Variants in EXPH5 observed in about 807,000 individuals in gnomAD.
EXPH5 encodes exophilin-5.
Under a neutral mutation model 41.1 loss-of-function variants are expected in EXPH5, and 42 were observed. The ratio of observed to expected loss-of-function variants is 1.02; its 90% CI spans 0.80 to 1.32. The LOEUF (loss-of-function observed/expected upper bound fraction) is 1.32, where lower values mean the gene tolerates loss of function less well. EXPH5 is among the 40% of genes most tolerant of loss of function. EXPH5 has a pLI of 0.00. For synonymous variants in EXPH5, 798 were observed against 833.5 expected (o/e 0.96, Z 0.73); for missense variants, 2,298 against 2,314.5 (o/e 0.99, Z 0.15).
chr11:108,507,240 G>A lies in EXPH5; in HGVS notation c.*2297C>T, dbSNP rs2093649199. 1 of 152,170 alleles carries A rather than the reference G, an allele frequency of 6.6e-6. No individual in the cohort carries two copies. Among genetic ancestry groups the A allele is most frequent in the African/African-American group, 2.4e-5 (1 of 41,444 alleles). The allele number at this position is 152,170 out of a possible 1,614,324, so 9.4% of individuals were successfully genotyped here. A position where few individuals can be genotyped will look rare whatever the true frequency, so the allele number is the denominator to read the frequency against. ...GTTACCGCATGTTCATTAGCTTTGAGTTGCATGGGAACCATGTAAAGTAAC... is the reference window on the plus strand; with the variant it reads ...GTTACCGCATGTTCATTAGCTTTGAATTGCATGGGAACCATGTAAAGTAAC... On this transcript the variant is annotated 3_prime_UTR_variant, in exon 6 of 6. Transcript: ENST00000265843.
chr11:108,522,204 T>TA (rs548747766), intron 4 of EXPH5, among the ~76,000 whole-genome samples: 10 of 150,600 alleles, frequency 6.6e-5, no homozygotes, highest in South Asian at 2.1e-4. Context: ...TTTTTTTTTT[T>TA]AAAAAAGGAA....
At chr11:108,548,214 TA>T (rs2093947681) in intron 1 of EXPH5, among the ~76,000 whole-genome samples, 1 of 139,462 alleles carries the variant, frequency 7.2e-6, no homozygotes, top group Admixed American at 7.8e-5. Flanking sequence ...GTGTTTTAAA[TA>T]AGAAAGTTTT....
chr11:108,507,177 AAAATAGTT>A lies in EXPH5; in HGVS notation c.*2352_*2359del, dbSNP rs2093648793. ...CAGGATTGGTCAGAGCTTGAAGTTT[AAAATAGTT>A]GACAGATTTAGGGAATAGCTTTCAT... On this transcript the variant is annotated 3_prime_UTR_variant, in exon 6 of 6. Transcript: ENST00000265843. 2 of 152,204 alleles carry A rather than the reference AAAATAGTT, an allele frequency of 1.3e-5. No homozygotes were observed. Among genetic ancestry groups the A allele is most frequent in the Non-Finnish European group, 2.9e-5 (2 of 68,034 alleles). 9.4% of individuals were successfully genotyped at this position (152,204 alleles called of 1,614,324 possible). A position where few individuals can be genotyped will look rare whatever the true frequency, so the allele number is the denominator to read the frequency against.
upstream of EXPH5, among the ~76,000 whole-genome samples, chr11:108,594,828 C>A (rs746649580): frequency 6.6e-6 from 1 of 152,090 alleles, no homozygotes; most frequent in Admixed American, 6.6e-5. Context: ...CAAAAATTGC[C>A]ACTTGTGTTT....
intron 3 of EXPH5, among the ~76,000 whole-genome samples, chr11:108,528,979 A>G (rs2093818853): frequency 6.6e-6 from 1 of 151,812 alleles, no homozygotes; most frequent in African/African-American, 2.4e-5. Context: ...CTGGGATTAC[A>G]GGTGTGAGCC....
At chr11:108,516,963 A>G (rs1048167626) in intron 5 of EXPH5, among the ~76,000 whole-genome samples, 12 of 152,144 alleles carry the variant, frequency 7.9e-5, no homozygotes, top group Non-Finnish European at 1.8e-4. Flanking sequence ...TATAATGAAA[A>G]TCTCTTTGAT....
chr11:108,563,606 G>T (rs78708232), intron 1 of EXPH5, among the ~76,000 whole-genome samples: 5,555 of 152,250 alleles, frequency 0.036, 302 homozygotes, highest in African/African-American at 0.12. Context: ...TTAAACATCT[G>T]CCCTACCCAG....
At chr11:108,583,598 G>C (rs1387488366) in intron 1 of EXPH5, among the ~76,000 whole-genome samples, 1 of 151,166 alleles carries the variant, frequency 6.6e-6, no homozygotes, top group Non-Finnish European at 1.5e-5. Context: ...GAGGCGGGTG[G>C]ATCACTTGAG....
At chr11:108,529,766 C>A (rs572477574) in intron 3 of EXPH5, among the ~76,000 whole-genome samples, 1 of 151,766 alleles carries the variant, frequency 6.6e-6, no homozygotes, top group Non-Finnish European at 1.5e-5. Flanking sequence ...ATTGCTTGAA[C>A]CTGGGAGGCA....
chr11:108,574,077 G>GTT (rs71303231), intron 1 of EXPH5, among the ~76,000 whole-genome samples: 35 of 142,334 alleles, frequency 2.5e-4, no homozygotes, highest in African/African-American at 7.3e-4. Flanking sequence ...AATTTTGTGT[G>GTT]TTTTTTTTTT....
In EXPH5 at chr11:108,509,827, G is replaced by T. The variant is rs1346743079; in HGVS notation, c.5680C>A (p.Gln1894Lys). The T allele has an allele frequency of 1.2e-6, 2 of 1,613,590 alleles. No individual in the cohort carries two copies. Among genetic ancestry groups the T allele is most frequent in the Non-Finnish European group, 8.5e-7 (1 of 1,179,870 alleles). The change falls in exon 6 of 6, where the codon CAG becomes AAG. Residue 1894 changes from glutamine (Q) to lysine (K), a missense_variant. By Grantham distance (53) the Gln-to-Lys change is moderately conservative. Coordinates refer to ENST00000265843, the MANE Select transcript of EXPH5 (RefSeq NM_015065.3). ...IDYGIFGKEQ[Q>K]LAFLENVKRS... ...TTTACATTTTCTAAGAAAGCTAACT[G>T]TTGTTCTTTCCCAAAGATCCCATAG...
chr11:108,566,059 T>C (rs1272774145), intron 1 of EXPH5, among the ~76,000 whole-genome samples: 1 of 152,112 alleles, frequency 6.6e-6, no homozygotes, highest in Non-Finnish European at 1.5e-5. Flanking sequence ...GATCTATTGG[T>C]GGAAAAAGAT....
chr11:108,510,054 C>T lies in EXPH5; in HGVS notation c.5453G>A (p.Arg1818His), dbSNP rs201149792. 1.3e-4 allele frequency: 215 copies of T among 1,610,726 alleles called. 1 individual carries two copies. In the Admixed American group the frequency reaches 3.0e-3, roughly 22 times the overall value. The change falls in exon 6 of 6, where the codon CGC (arginine) becomes CAC (histidine). Residue 1818 changes from arginine (R) to histidine (H), a missense_variant. Transcript: ENST00000265843. ...RKSHPPKVRE[R>H]HFSESTSIDN... is the part of the protein sequence containing the mutation. Reference sequence around the variant, plus strand: ...AATAGAAGTGCTTTCAGAAAAATGGCGCTCCCTGACTTTTGGAGGATGGCT... The same window carrying T: ...AATAGAAGTGCTTTCAGAAAAATGGTGCTCCCTGACTTTTGGAGGATGGCT...
intron 1 of EXPH5, among the ~76,000 whole-genome samples, chr11:108,587,875 C>G (rs1389061230): frequency 1.3e-5 from 2 of 152,138 alleles, no homozygotes; most frequent in Non-Finnish European, 2.9e-5. Flanking sequence ...GTCTCAGCTT[C>G]CCAGGTAGCT....
chr11:108,511,008 A>C lies in EXPH5; in HGVS notation c.4499T>G (p.Leu1500Arg), dbSNP rs780274167. 8.7e-6 allele frequency: 14 copies of C among 1,614,192 alleles called. No homozygotes were observed. In the South Asian group the frequency reaches 1.5e-4, roughly 18 times the overall value. ...TNCQKMTNKT[L>R]SHSESQVFAL... is the part of the protein sequence containing the mutation. ...AAAGACTTGACTCTCTGAGTGAGAA[A>C]GTGTTTTATTAGTCATTTTTTGGCA... Residue 1500 changes from leucine to arginine, a missense_variant, in exon 6 of 6, where the codon CTT (leucine) becomes CGT (arginine). Physicochemically the swap from Leu to Arg is moderately radical, Grantham distance 102. Transcript: ENST00000265843.
intron 1 of EXPH5, among the ~76,000 whole-genome samples, chr11:108,542,195 A>G (rs2093916727): frequency 1.3e-5 from 2 of 152,114 alleles, no homozygotes; most frequent in Admixed American, 6.6e-5. Context: ...GCACTCTTTA[A>G]ATTCATTCAC....
At chr11:108,556,396 C>A (rs2093990149) in intron 1 of EXPH5, among the ~76,000 whole-genome samples, 1 of 151,778 alleles carries the variant, frequency 6.6e-6, no homozygotes, top group African/African-American at 2.4e-5. Flanking sequence ...TTGGTGTGAT[C>A]TATTGGGACC....
chr11:108,562,265 G>GTTTTTTTTT (rs35527615), intron 1 of EXPH5, among the ~76,000 whole-genome samples: 4 of 104,588 alleles, frequency 3.8e-5, no homozygotes, highest in East Asian at 4.6e-4. Context: ...TTTTTTCTGT[G>GTTTTTTTTT]TTTTTTTTTT....
intron 1 of EXPH5, among the ~76,000 whole-genome samples, chr11:108,570,320 T>C (rs945856919): frequency 6.6e-6 from 1 of 152,164 alleles, no homozygotes; most frequent in Non-Finnish European, 1.5e-5. Flanking sequence ...AGTGGTACAA[T>C]CTTGGCTCAC....
Sources: allele counts gnomAD v4.1 joint callset (sites outside exome capture counted in the v4.1 genomes callset), GRCh38; gene constraint gnomAD v4.1.1; transcripts MANE v1.5; gene names NCBI Gene and HGNC (gene_info 2026-07-23, HGNC 2026-07-21).